KANK2: variants seen among roughly 807,000 people sequenced by gnomAD.
The protein encoded by KANK2 is KN motif and ankyrin repeat domains 2, also known as KN motif and ankyrin repeat domain-containing protein 2.
A neutral mutation model predicts 74.6 loss-of-function variants in KANK2; 41 were observed. The ratio of observed to expected loss-of-function variants is 0.55; its 90% CI spans 0.43 to 0.71. KANK2 has a LOEUF of 0.71. Among genes scored for constraint, KANK2 ranks in the 30% least tolerant of loss-of-function variants. The probability of loss-of-function intolerance (pLI) is 0.00; values close to 1 mark genes in which losing one functional copy is unlikely to be tolerated. For missense variants in KANK2, 1,148 were observed against 1,196.4 expected, an observed-to-expected ratio of 0.96 and a Z score of 0.60; for synonymous variants, 537 against 519.0, an observed-to-expected ratio of 1.03 and a Z score of -0.47.
chr19:11,196,105 C>A, intron 1 of KANK2: 1 of 149,934 alleles, frequency 6.7e-6, no homozygotes, highest in South Asian at 2.1e-4. Context: ...GTCGCCCAGG[C>A]TGGAGTGCAA....
rs1458891326 is a variant in KANK2 at position 11,176,666 on chromosome 19, T to C, written c.1672A>G (p.Ser558Gly). The C allele has an allele frequency of 1.9e-6, 3 of 1,613,634 alleles. No individual in the cohort carries two copies. The highest frequency in any genetic ancestry group is 1.7e-6 in the Non-Finnish European group (2 of 1,179,920). Residue 558 changes from serine (S) to glycine (G), a missense_variant, in exon 7 of 13, where the codon AGC becomes GGC. Ser to Gly is a moderately conservative substitution (Grantham distance 56). Transcript: ENST00000586659. ...CGAGACAGCTGACACTCCTGCCGGC[T>C]GGTCTTGGCCGCTGCCGTCCCTGCA... ...RPAGTAAAKT[S>G]RQECQLSRES...
rs2078127834 is a variant in KANK2 at position 11,170,013 on chromosome 19, C to T, written c.2412+35G>A. On this transcript the variant is annotated intron_variant, in intron 11 of 12. Coordinates refer to ENST00000586659, the MANE Select transcript of KANK2 (RefSeq NM_001136191.3). The surrounding 1 kb of genome is among the most constrained non-coding windows in gnomAD (Gnocchi z 5.2). ...GAATGACGTCCCCATGCTGTGCTCCCGCCCTCCCCGGGGTGCACCTGGTTG... is the reference window on the plus strand; with the variant it reads ...GAATGACGTCCCCATGCTGTGCTCCTGCCCTCCCCGGGGTGCACCTGGTTG... 6.2e-6 allele frequency: 10 copies of T among 1,612,010 alleles called. No individual in the cohort carries two copies. The highest frequency in any genetic ancestry group is 1.7e-5 in the Admixed American group (1 of 59,976).
At position 11,194,595 on chromosome 19, in the gene KANK2, G is replaced by A; in HGVS notation, c.-79-5C>T. On this transcript the variant is annotated splice_region_variant and splice_polypyrimidine_tract_variant and intron_variant, in intron 2 of 12. Coordinates refer to ENST00000586659, the MANE Select transcript of KANK2 (RefSeq NM_001136191.3). ...GCAGCACCGGCTGAGGCTTACCTGG[G>A]GAAAGAGAACCACGGCGCCGGGAGT... 8.7e-7 allele frequency: 1 copy of A among 1,153,776 alleles called. No individual in the cohort carries two copies. Among genetic ancestry groups the A allele is most frequent in the Non-Finnish European group, 1.3e-6 (1 of 766,188 alleles). The allele number at this position is 1,153,776 out of a possible 1,614,324, so 71.5% of individuals were successfully genotyped here.
At position 11,166,558 on chromosome 19, in the gene KANK2, C is replaced by G; in HGVS notation, c.2556G>C (p.Ter852TyrextTer2). Residue 852 changes from the stop codon to tyrosine (Y), a stop_lost, in exon 13 of 13, where the codon TAG (stop) becomes TAC (tyrosine). Transcript: ENST00000586659. The part of the protein sequence containing the change: ...ESPTSSSAEE[*>Y] ...TGGCTGGTCCCCGCCTCCCTCACGG[C>G]TACTCTTCTGCCGAGGATGATGTAG... is the stretch of plus-strand genomic sequence containing the variant. The G allele has an allele frequency of 6.2e-7, 1 of 1,614,038 alleles. No individual in the cohort carries two copies. The highest frequency in any genetic ancestry group is 8.5e-7 in the Non-Finnish European group (1 of 1,179,874).
Position 11,194,479 on chromosome 19 carries a change from G to C in KANK2, c.33C>G (p.Phe11Leu), listed in dbSNP as rs2078958985. 1 of 1,611,894 alleles carries C rather than the reference G, an allele frequency of 6.2e-7. No individual in the cohort carries two copies. Among genetic ancestry groups the C allele is most frequent in the Non-Finnish European group, 8.5e-7 (1 of 1,179,292 alleles). Residue 11 changes from phenylalanine to leucine, a missense_variant, in exon 3 of 13, where the codon TTC becomes TTG. Physicochemically the swap from Phe to Leu is conservative, Grantham distance 22. Coordinates refer to ENST00000586659, the MANE Select transcript of KANK2 (RefSeq NM_001136191.3). MAQVLHVPAP[F>L]PGTPGPASPP... ...CTCTTCCCTGAGTCCCCTGACCTGGGAAGGGAGCAGGCACGTGCAGGACCT... is the reference window on the plus strand; with the variant it reads ...CTCTTCCCTGAGTCCCCTGACCTGGCAAGGGAGCAGGCACGTGCAGGACCT...
intron 12 of KANK2, 81 bp from the exon 13 acceptor site, chr19:11,166,692 G>T: frequency 7.5e-7 from 1 of 1,334,722 alleles, no homozygotes; most frequent in Non-Finnish European, 1.1e-6. Flanking sequence ...TGGCCTGGTA[G>T]ATATGATGGG....
intron 4 of KANK2, among the ~76,000 whole-genome samples, chr19:11,188,984 CAA>C (rs35435362): frequency 5.3e-5 from 6 of 113,928 alleles, no homozygotes; most frequent in Non-Finnish European, 3.7e-5. Context: ...GACTCCATCT[CAA>C]AAAAAAAAAA....
chr19:11,182,546 C>CAAA lies in KANK2; in HGVS notation c.1250-3829_1250-3827dup, dbSNP rs1283116719. On this transcript the variant is annotated intron_variant, in intron 4 of 12. Transcript: ENST00000586659. Reference sequence around the variant, plus strand: ...ATCTTTAAAAAAAAAAACAAAAAAACAAAACAAAACAAAAAAGCCAGGCGC... The same window carrying CAAA: ...ATCTTTAAAAAAAAAAACAAAAAAACAAAAAAACAAAACAAAAAAGCCAGGCGC... 5.8e-5 allele frequency among the ~76,000 whole-genome samples: 7 copies of CAAA among 119,724 alleles called. No individual in the cohort carries two copies. The East Asian group carries it at 1.0e-3, about 17-fold the overall frequency. 78.5% of individuals were successfully genotyped at this position (119,724 alleles called of 152,430 possible).
chr19:11,190,692 A>G (rs1395228107), intron 4 of KANK2, among the ~76,000 whole-genome samples: 1 of 152,130 alleles, frequency 6.6e-6, no homozygotes, highest in African/African-American at 2.4e-5. Context: ...GTTTGAACGC[A>G]CCTGGCAGAG....
chr19:11,181,236 T>TTTATTATTA (rs200654235), intron 4 of KANK2, among the ~76,000 whole-genome samples: 13 of 148,074 alleles, frequency 8.8e-5, no homozygotes, highest in South Asian at 2.2e-4. Flanking sequence ...GTTGTCAAGA[T>TTTATTATTA]TTATTATTAT....
At chr19:11,172,303 A>C (rs2078200260) in intron 10 of KANK2, among the ~76,000 whole-genome samples, 1 of 152,184 alleles carries the variant, frequency 6.6e-6, no homozygotes, top group Non-Finnish European at 1.5e-5. Context: ...GAAGCCACTA[A>C]AAAAATTTCT....
At chr19:11,174,246 C>T (rs902221695) in intron 9 of KANK2, among the ~76,000 whole-genome samples, 9 of 152,152 alleles carry the variant, frequency 5.9e-5, no homozygotes, top group South Asian at 2.1e-4. Flanking sequence ...GGGAAGGTGC[C>T]GTCTCCTCTA....
chr19:11,166,515 G>T lies in KANK2; in HGVS notation c.*43C>A. ...GAACAGGGAGGAGACGGGGACAAGG[G>T]ACGGTTTGCTCCCGGTCTGGCTGGT... On this transcript the variant is annotated 3_prime_UTR_variant, in exon 13 of 13. Transcript: ENST00000586659. 1 of 1,574,508 alleles carries T rather than the reference G, an allele frequency of 6.4e-7. No individual in the cohort carries two copies. Among genetic ancestry groups the T allele is most frequent in the Non-Finnish European group, 8.7e-7 (1 of 1,144,022 alleles).
chr19:11,190,186 G>C (rs34411473), intron 4 of KANK2, among the ~76,000 whole-genome samples: 1 of 151,838 alleles, frequency 6.6e-6, no homozygotes, highest in African/African-American at 2.4e-5. Flanking sequence ...CCAGGCTAGA[G>C]TGCAGTGGTG....
rs543396003 is a variant in KANK2 at position 11,165,299 on chromosome 19, C to A, written c.*1259G>T. 2.6e-5 allele frequency: 4 copies of A among 152,318 alleles called. No homozygotes were observed. The South Asian group carries it at 8.3e-4, about 32-fold the overall frequency. 9.4% of individuals were successfully genotyped at this position (152,318 alleles called of 1,614,324 possible). A position where few individuals can be genotyped will look rare whatever the true frequency, so the allele number is the denominator to read the frequency against. ...GGCCTGGGGACGGCCAACTTTTAATCGTACACACATGGGGTTTTTGGGAGC... is the reference window on the plus strand; with the variant it reads ...GGCCTGGGGACGGCCAACTTTTAATAGTACACACATGGGGTTTTTGGGAGC... On this transcript the variant is annotated 3_prime_UTR_variant, in exon 13 of 13. Coordinates refer to ENST00000586659, the MANE Select transcript of KANK2 (RefSeq NM_001136191.3).
chr19:11,172,863 C>T (rs2078216218), intron 10 of KANK2, 118 bp downstream of exon 10: 3 of 1,069,276 alleles, frequency 2.8e-6, no homozygotes, highest in South Asian at 2.9e-5. Context: ...CAGAGACAGC[C>T]TGGCCATGAA....
rs1182325857 is a variant in KANK2 at position 11,165,629 on chromosome 19, T to C, written c.*929A>G. On this transcript the variant is annotated 3_prime_UTR_variant, in exon 13 of 13. Coordinates refer to ENST00000586659, the MANE Select transcript of KANK2 (RefSeq NM_001136191.3). ...CTGTGTCGCCCAGGCTGAAGTGCAA[T>C]GGTGTGATCATAGCTCACTGTAGCC... The C allele has an allele frequency of 1.3e-5, 2 of 152,012 alleles. No individual in the cohort carries two copies. Among genetic ancestry groups the C allele is most frequent in the South Asian group, 2.1e-4 (1 of 4,812 alleles). The allele number at this position is 152,012 out of a possible 1,614,324, so 9.4% of individuals were successfully genotyped here. A position where few individuals can be genotyped will look rare whatever the true frequency, so the allele number is the denominator to read the frequency against.
chr19:11,175,031 C>T (rs2078294656), intron 8 of KANK2, among the ~76,000 whole-genome samples: 1 of 151,138 alleles, frequency 6.6e-6, no homozygotes, highest in Admixed American at 6.6e-5. Flanking sequence ...GATCAGGACT[C>T]ACTGCAGCCT....
intron 4 of KANK2, among the ~76,000 whole-genome samples, chr19:11,184,509 G>A (rs908236722): frequency 2.0e-5 from 3 of 150,266 alleles, no homozygotes; most frequent in Non-Finnish European, 3.0e-5. Flanking sequence ...CCTGGGAAGG[G>A]CTAGATAGCA....
Sources: allele counts gnomAD v4.1 joint callset (sites outside exome capture counted in the v4.1 genomes callset), GRCh38; gene constraint gnomAD v4.1.1; non-coding constraint Gnocchi (gnomAD v3.1); transcripts MANE v1.5; gene names NCBI Gene and HGNC (gene_info 2026-07-23, HGNC 2026-07-21).